Variants in SORCS1 observed in about 807,000 individuals in gnomAD.
SORCS1 encodes VPS10 domain-containing receptor SorCS1.
Under a neutral mutation model 146.1 loss-of-function variants are expected in SORCS1, and 60 were observed. The ratio of observed to expected loss-of-function variants is 0.41; its 90% CI spans 0.33 to 0.51. SORCS1 has a LOEUF of 0.51. Among genes scored for constraint, SORCS1 ranks in the 20% least tolerant of loss-of-function variants. SORCS1 has a pLI of 0.21. For synonymous variants in SORCS1, 637 were observed against 584.0 expected (o/e 1.09, Z -1.31); for missense variants, 1,352 against 1,487.6 (o/e 0.91, Z 1.50).
intron 23 of SORCS1, among the ~76,000 whole-genome samples, chr10:106,598,882 G>A (rs1846067302): frequency 6.6e-6 from 1 of 152,162 alleles, no homozygotes; most frequent in Non-Finnish European, 1.5e-5. Flanking sequence ...TGAACAACAG[G>A]AACAGAGGAT....
rs150537174 is a variant in SORCS1 at position 106,792,539 on chromosome 10, C to T, written c.727-15847G>A. ...GAAATTAGGCATGGAGAGACATAAT[C>T]ATTCCTCCAAGATTATTCCAGAGCA... On this transcript the variant is annotated intron_variant, in intron 3 of 25. Coordinates refer to ENST00000263054, the MANE Select transcript of SORCS1 (RefSeq NM_052918.5). Among the ~76,000 whole-genome samples, 1,167 of 152,312 alleles carry T rather than the reference C, an allele frequency of 7.7e-3. 11 individuals carry two copies. Among genetic ancestry groups the T allele is most frequent in the Middle Eastern group, 0.014 (4 of 294 alleles).
intron 1 of SORCS1, among the ~76,000 whole-genome samples, chr10:107,095,492 T>C (rs1402479677): frequency 6.6e-6 from 1 of 152,148 alleles, no homozygotes; most frequent in Non-Finnish European, 1.5e-5. Flanking sequence ...AGTTTAAGTG[T>C]CTGTTCTAAA....
chr10:107,089,203 C>A (rs921917152), intron 1 of SORCS1, among the ~76,000 whole-genome samples: 76 of 152,092 alleles, frequency 5.0e-4, no homozygotes, highest in African/African-American at 1.8e-3. Flanking sequence ...TTTTGTTTTG[C>A]TGGCGTCTTT....
chr10:106,928,141 C>T (rs901528707), intron 2 of SORCS1, among the ~76,000 whole-genome samples: 12 of 152,222 alleles, frequency 7.9e-5, no homozygotes, highest in Admixed American at 3.3e-4. Flanking sequence ...TGGGACTGGG[C>T]GCCGTGGAGC....
rs112359996 is a variant in SORCS1, at chr10:107,060,418, G to C, written c.558+103551C>G. ...GTAGAGTGAGGCAAATTTCTTTGCT[G>C]TAATTTTTTATTGTCATGTACTTAG... On this transcript the variant is annotated intron_variant, in intron 1 of 25. Transcript: ENST00000263054. This position sits in a 1 kb window ranked among gnomAD's most constrained non-coding sequence, Gnocchi z 4.1. Among the ~76,000 whole-genome samples the C allele has an allele frequency of 5.8e-3, 878 of 152,202 alleles. 6 individuals are homozygous for C. The highest frequency in any genetic ancestry group is 0.02 in the African/African-American group (834 of 41,526).
At chr10:106,874,233 C>T (rs1053865599) in intron 2 of SORCS1, among the ~76,000 whole-genome samples, 6 of 152,070 alleles carry the variant, frequency 3.9e-5, no homozygotes, top group African/African-American at 4.8e-5. Context: ...GGGATGATTT[C>T]GGTTTTTTAT....
At chr10:106,781,381 T>G (rs1485173000) in intron 3 of SORCS1, among the ~76,000 whole-genome samples, 1 of 152,156 alleles carries the variant, frequency 6.6e-6, no homozygotes, top group Admixed American at 6.5e-5. Context: ...TTGTCATAAA[T>G]GGGCTGGAAT....
intron 2 of SORCS1, among the ~76,000 whole-genome samples, chr10:106,885,927 T>C (rs1950983071): frequency 6.6e-6 from 1 of 152,122 alleles, no homozygotes; most frequent in African/African-American, 2.4e-5. Flanking sequence ...TCCCCCATGA[T>C]TGTGAGGCCC....
At chr10:106,880,333 A>G (rs1202705727) in intron 2 of SORCS1, among the ~76,000 whole-genome samples, 4 of 152,256 alleles carry the variant, frequency 2.6e-5, no homozygotes, top group African/African-American at 9.6e-5. Context: ...CTAAAAAACT[A>G]TAAAATCATC....
At chr10:107,047,707 T>C (rs1486516197) in intron 1 of SORCS1, among the ~76,000 whole-genome samples, 6 of 152,122 alleles carry the variant, frequency 3.9e-5, no homozygotes, top group Non-Finnish European at 7.4e-5. Context: ...TGCCAATATT[T>C]TCCCAATGTT....
intron 6 of SORCS1, among the ~76,000 whole-genome samples, chr10:106,718,704 T>C (rs1855563666): frequency 6.6e-6 from 1 of 152,240 alleles, no homozygotes. Context: ...TGCTGATTGG[T>C]CCATTTTACA....
At chr10:107,061,842 A>T (rs575374908) in intron 1 of SORCS1, among the ~76,000 whole-genome samples, 1 of 152,344 alleles carries the variant, frequency 6.6e-6, no homozygotes, top group African/African-American at 2.4e-5. Context: ...TATGCTGATT[A>T]CATGGCAATA....
chr10:106,981,100 T>C (rs1956230648), intron 1 of SORCS1, among the ~76,000 whole-genome samples: 1 of 152,206 alleles, frequency 6.6e-6, no homozygotes, highest in South Asian at 2.1e-4. Flanking sequence ...GAAAGTCTAT[T>C]TTCCAGGAGT....
chr10:106,577,405 C>T lies in SORCS1; in HGVS notation c.*15G>A. On this transcript the variant is annotated 3_prime_UTR_variant, in exon 26 of 26. Transcript: ENST00000263054. ...TCCTGATCAGCAGGTCGCCTGTAGC[C>T]TTTGGGGGTTTTCCTTAAATTGCAT... 3 of 1,613,744 alleles carry T rather than the reference C, an allele frequency of 1.9e-6. No homozygotes were observed. Among genetic ancestry groups the T allele is most frequent in the Non-Finnish European group, 2.5e-6 (3 of 1,179,752 alleles).
rs769853476 is a variant in SORCS1 at position 106,667,779 on chromosome 10, C to A, written c.2213G>T (p.Ser738Ile). ...AAATGCCGGCAGGCACTGGCCATTGCTGTGTCGCTCATAACCATAGTCGCT... is the reference window on the plus strand; with the variant it reads ...AAATGCCGGCAGGCACTGGCCATTGATGTGTCGCTCATAACCATAGTCGCT... The part of the protein sequence containing the change: ...FDCDYGYERH[S>I]NGQCLPAFWF... Residue 738 changes from serine to isoleucine, a missense_variant, in exon 17 of 26, where the codon AGC (serine) becomes ATC (isoleucine). By Grantham distance (142) the Ser-to-Ile change is moderately radical. Transcript: ENST00000263054. 100 of 1,613,836 alleles carry A rather than the reference C, an allele frequency of 6.2e-5. 1 individual carries two copies. In the South Asian group the frequency reaches 8.4e-4, roughly 13 times the overall value.
At chr10:106,860,254 T>C (rs1949959115) in intron 2 of SORCS1, among the ~76,000 whole-genome samples, 1 of 152,202 alleles carries the variant, frequency 6.6e-6, no homozygotes, top group Non-Finnish European at 1.5e-5. Context: ...AGGGTAAAGA[T>C]AAATTTGGGA....
chr10:106,577,694 A>C, intron 25 of SORCS1, 139 bp from the exon 26 acceptor site: 1 of 1,454,608 alleles, frequency 6.9e-7, no homozygotes, highest in Non-Finnish European at 9.0e-7. Flanking sequence ...GCTGTGCTTC[A>C]TACCCTACGG....
intron 18 of SORCS1, among the ~76,000 whole-genome samples, chr10:106,642,433 T>A (rs935973137): frequency 6.6e-6 from 1 of 152,166 alleles, no homozygotes; most frequent in Non-Finnish European, 1.5e-5. Context: ...CATCAGAAGA[T>A]CCCTGTTTTT....
At chr10:106,586,421 T>C (rs1460038216) in intron 24 of SORCS1, among the ~76,000 whole-genome samples, 3 of 152,152 alleles carry the variant, frequency 2.0e-5, no homozygotes, top group Non-Finnish European at 4.4e-5. Context: ...CTTTTTTTTT[T>C]TCTTTTTGCT....
Sources: gnomAD v4.1 joint callset for allele counts (sites outside exome capture counted in the v4.1 genomes callset) on GRCh38, gnomAD v4.1.1 for gene constraint, Gnocchi (gnomAD v3.1) non-coding constraint, MANE v1.5 for transcripts, NCBI Gene and HGNC (gene_info 2026-07-23, HGNC 2026-07-21) for gene names.